The following RAD21 variants were observed in gnomAD, a reference collection of about 807,000 sequenced individuals.
RAD21 encodes the protein double-strand-break repair protein rad21 homolog.
A neutral mutation model predicts 71.5 loss-of-function variants in RAD21; 18 were observed. The ratio of observed to expected loss-of-function variants is 0.25; its 90% CI spans 0.17 to 0.37. The LOEUF (loss-of-function observed/expected upper bound fraction) is 0.37. Ranked by LOEUF, RAD21 falls within the 10% of genes least tolerant of loss-of-function variation. The pLI is 1.00. For synonymous variants in RAD21, 248 were observed against 254.0 expected (o/e 0.98, Z 0.22); for missense variants, 493 against 769.1 (o/e 0.64, Z 4.25).
intron 9 of RAD21, 23 bp downstream of exon 9, chr8:116,854,221 TA>T (rs764414089): frequency 4.5e-6 from 7 of 1,544,242 alleles, no homozygotes; most frequent in Non-Finnish European, 4.4e-6. Flanking sequence ...GTATATGAAG[TA>T]AAAATTCTGC....
chr8:116,856,500 A>T (rs1052139722), intron 7 of RAD21, 146 bp downstream of exon 7: 2 of 1,234,846 alleles, frequency 1.6e-6, no homozygotes, highest in African/African-American at 3.1e-5. Flanking sequence ...TAAACATAGA[A>T]TCAGAACCAG....
In RAD21 at chr8:116,854,524, C is replaced by A; in HGVS notation, c.938-56G>T. ...TCCTGAGAGGCCAGCATGGAACACA[C>A]AGCTACAAGATCTGGACTGACTATA... On this transcript the variant is annotated intron_variant, in intron 8 of 13. Coordinates refer to ENST00000297338, the MANE Select transcript of RAD21 (RefSeq NM_006265.3). 9 of 1,327,200 alleles carry A rather than the reference C, an allele frequency of 6.8e-6. 1 individual carries two copies. Among genetic ancestry groups the A allele is most frequent in the South Asian group, 3.6e-5 (3 of 83,002 alleles). 82.2% of individuals were successfully genotyped at this position (1,327,200 alleles called of 1,614,324 possible).
chr8:116,868,561 A>G (rs899287949), intron 1 of RAD21, among the ~76,000 whole-genome samples: 1 of 152,008 alleles, frequency 6.6e-6, no homozygotes, highest in African/African-American at 2.4e-5. Context: ...TAGTTTTTAA[A>G]GAATCTTTAA....
At chr8:116,866,274 A>C (rs1391034370) in intron 2 of RAD21, among the ~76,000 whole-genome samples, 2 of 148,466 alleles carry the variant, frequency 1.3e-5, no homozygotes, top group African/African-American at 5.0e-5. Flanking sequence ...TTTTTGAGAC[A>C]GGGTCTCAAA....
At chr8:116,867,409 G>A (rs1222516294) in intron 1 of RAD21, among the ~76,000 whole-genome samples, 2 of 152,102 alleles carry the variant, frequency 1.3e-5, no homozygotes, top group Non-Finnish European at 2.9e-5. Flanking sequence ...TTAAATCAGG[G>A]ACAATGGTAC....
intron 11 of RAD21, 26 bp downstream of exon 11, chr8:116,851,922 C>A (rs769301013): frequency 6.3e-7 from 1 of 1,590,274 alleles, no homozygotes; most frequent in East Asian, 2.3e-5. Flanking sequence ...CTTCAAATGA[C>A]TTAATGGATA....
chr8:116,856,881 T>C (rs1347319084), intron 6 of RAD21, 110 bp from the exon 7 acceptor site: 7 of 754,252 alleles, frequency 9.3e-6, no homozygotes, highest in South Asian at 7.5e-5. Context: ...TTTAAACGTA[T>C]ACTCAACTTT....
rs191011655 is a variant in RAD21 at position 116,863,432 on chromosome 8, G to A, written c.145-173C>T. Among the ~76,000 whole-genome samples the A allele has an allele frequency of 3.9e-4, 59 of 152,102 alleles. 1 individual carries two copies. The highest frequency in any genetic ancestry group is 3.2e-3 in the Admixed American group (49 of 15,256). ...AAAGACAGAGTGACTGGAAATTCAC[G>A]AATTAACACAAACATGAAGGAAGCT... On this transcript the variant is annotated intron_variant, in intron 2 of 13. Transcript: ENST00000297338.
Position 116,874,608 on chromosome 8 carries a change from T to A in RAD21, c.-33+3A>T, listed in dbSNP as rs1586283487. On this transcript the variant is annotated splice_donor_region_variant and intron_variant, in intron 1 of 13. Transcript: ENST00000297338. Reference sequence around the variant, plus strand: ...AAAAGAAGGGGTCGGCCGAGTCTCTTACCTTGCTCTCCGCTGGGAGTTGGG... The same window carrying A: ...AAAAGAAGGGGTCGGCCGAGTCTCTAACCTTGCTCTCCGCTGGGAGTTGGG... 1 of 343,816 alleles carries A rather than the reference T, an allele frequency of 2.9e-6. No individual in the cohort carries two copies. Among genetic ancestry groups the A allele is most frequent in the East Asian group, 8.2e-5 (1 of 12,216 alleles). 21.3% of individuals were successfully genotyped at this position (343,816 alleles called of 1,614,324 possible).
At chr8:116,862,015 A>AT (rs1165836039) in intron 3 of RAD21, 75 bp from the exon 4 acceptor site, 23 of 1,133,666 alleles carry the variant, frequency 2.0e-5, no homozygotes, top group Non-Finnish European at 2.8e-5. Context: ...ATAAGTAGGT[A>AT]TAACTTCCTA....
chr8:116,849,962 CAT>C (rs16893990), intron 12 of RAD21, among the ~76,000 whole-genome samples: 3,580 of 152,136 alleles, frequency 0.024, 138 homozygotes, highest in African/African-American at 0.08. Context: ...GTTTAAGTAA[CAT>C]ATCCGATAGA....
In RAD21 at chr8:116,851,986, G is replaced by T; in HGVS notation, c.1432C>A (p.Arg478=). 1 of 1,610,762 alleles carries T rather than the reference G, an allele frequency of 6.2e-7. No individual in the cohort carries two copies. Among genetic ancestry groups the T allele is most frequent in the Non-Finnish European group, 8.5e-7 (1 of 1,177,570 alleles). The part of the protein sequence containing the change: ...MPPPPPQGVK[R]KAGQIDPEPV... ...TCTGGGTCAATTTGTCCAGCTTTTC[G>T]CTTAACTCCCTGAGGTGGTGGTGGA... Residue 478 remains arginine, a synonymous_variant, in exon 11 of 14, where the codon CGA becomes AGA. Transcript: ENST00000297338.
intron 1 of RAD21, among the ~76,000 whole-genome samples, chr8:116,868,162 C>A (rs1377032697): frequency 6.6e-6 from 1 of 152,292 alleles, no homozygotes; most frequent in East Asian, 1.9e-4. Flanking sequence ...CCTCCCTCAG[C>A]CTCTCAAGTA....
intron 5 of RAD21, 106 bp downstream of exon 5, chr8:116,858,246 T>G: frequency 2.4e-6 from 2 of 817,894 alleles, no homozygotes; most frequent in Non-Finnish European, 3.8e-6. Flanking sequence ...ATGCATTACA[T>G]GAAATTTTAA....
chr8:116,865,314 T>C (rs1812667532), intron 2 of RAD21, among the ~76,000 whole-genome samples: 1 of 152,162 alleles, frequency 6.6e-6, no homozygotes, highest in Admixed American at 6.6e-5. Flanking sequence ...GAAAAAAATC[T>C]GTTATCCTTT....
intron 2 of RAD21, among the ~76,000 whole-genome samples, chr8:116,863,513 C>T (rs919487714): frequency 2.6e-5 from 4 of 152,050 alleles, no homozygotes; most frequent in South Asian, 2.1e-4. Flanking sequence ...TTAAGGAGCA[C>T]GTAACACTTT....
intron 2 of RAD21, among the ~76,000 whole-genome samples, chr8:116,863,729 G>C (rs994989758): frequency 6.6e-6 from 1 of 151,980 alleles, no homozygotes; most frequent in Non-Finnish European, 1.5e-5. Flanking sequence ...AAAGAACAAC[G>C]CCTCTCTTCC....
intron 1 of RAD21, among the ~76,000 whole-genome samples, chr8:116,868,188 A>C (rs570929398): frequency 6.6e-6 from 1 of 152,328 alleles, no homozygotes; most frequent in African/African-American, 2.4e-5. Context: ...AACTACAGGC[A>C]TTGAGTCACC....
rs16889153 is a variant in RAD21 at position 116,872,177 on chromosome 8, T to C, written c.-33+2434A>G. On this transcript the variant is annotated intron_variant, in intron 1 of 13. Transcript: ENST00000297338. ...TTGTAATATCATAAATGGAGATGAT[T>C]TGAAGTATATGGGATGTTAGTAGGT... Among the ~76,000 whole-genome samples, 505 of 152,304 alleles carry C rather than the reference T, an allele frequency of 3.3e-3. 4 individuals are homozygous for C. Among genetic ancestry groups the C allele is most frequent in the African/African-American group, 0.011 (474 of 41,558 alleles).
Sources: gnomAD v4.1 joint callset for allele counts (sites outside exome capture counted in the v4.1 genomes callset) on GRCh38, gnomAD v4.1.1 for gene constraint, MANE v1.5 for transcripts, NCBI Gene and HGNC (gene_info 2026-07-23, HGNC 2026-07-21) for gene names.